DNAH17: variants seen among roughly 807,000 people sequenced by gnomAD.
The protein encoded by DNAH17 is axonemal beta dynein heavy chain 17.
In DNAH17, 376 loss-of-function variants were observed where a neutral mutation model predicts 485.6. The observed-to-expected ratio is 0.77, with a 90% confidence interval of 0.71 to 0.84. The LOEUF is 0.84. Among genes scored for constraint, DNAH17 ranks in the 40% least tolerant of loss-of-function variants. DNAH17 has a pLI of 0.00. For missense variants in DNAH17, 6,370 were observed against 5,839.3 expected, an observed-to-expected ratio of 1.09 and a Z score of -2.96; for synonymous variants, 3,031 against 2,405.9, an observed-to-expected ratio of 1.26 and a Z score of -7.60.
At chr17:78,444,396 G>A (rs2087193154) in intron 71 of DNAH17, among the ~76,000 whole-genome samples, 1 of 152,196 alleles carries the variant, frequency 6.6e-6, no homozygotes, top group Non-Finnish European at 1.5e-5. Context: ...TCCGCAGCCT[G>A]GGGTGGAATC....
intron 57 of DNAH17, among the ~76,000 whole-genome samples, 167 bp from the exon 58 acceptor site, chr17:78,461,875 AAGTT>A (rs976282791): frequency 6.6e-6 from 1 of 151,972 alleles, no homozygotes; most frequent in African/African-American, 2.4e-5. Flanking sequence ...TCTTAAAAGT[AAGTT>A]ATAAACCCTG....
intron 22 of DNAH17, among the ~76,000 whole-genome samples, chr17:78,527,248 G>A (rs974323504): frequency 6.6e-5 from 10 of 152,030 alleles, no homozygotes; most frequent in African/African-American, 2.2e-4. Flanking sequence ...TTAGCTGGGC[G>A]TGATGATATG....
chr17:78,461,772 T>TG, intron 57 of DNAH17, 64 bp from the exon 58 acceptor site: 1 of 1,499,870 alleles, frequency 6.7e-7, no homozygotes. Flanking sequence ...CGCCCTGCAC[T>TG]GGGCAGACGA....
At chr17:78,556,831 C>T (rs946007767) in intron 14 of DNAH17, among the ~76,000 whole-genome samples, 1 of 152,166 alleles carries the variant, frequency 6.6e-6, no homozygotes, top group Non-Finnish European at 1.5e-5. Context: ...AAAATTGACT[C>T]ACGTTTAAAA....
intron 74 of DNAH17, among the ~76,000 whole-genome samples, chr17:78,435,498 G>T (rs2086825793): frequency 6.6e-6 from 1 of 152,160 alleles, no homozygotes; most frequent in African/African-American, 2.4e-5. Context: ...AACCAGAGAT[G>T]GGATGAGGTG....
At chr17:78,558,747 G>A (rs1312245093) in intron 13 of DNAH17, among the ~76,000 whole-genome samples, 4 of 152,112 alleles carry the variant, frequency 2.6e-5, no homozygotes, top group South Asian at 2.1e-4. Flanking sequence ...TTGTTTCCTC[G>A]CTGGAATCTA....
chr17:78,475,471 T>C lies in DNAH17; in HGVS notation c.8320-2A>G. The C allele has an allele frequency of 1.2e-6, 2 of 1,613,658 alleles. No individual in the cohort carries two copies. The highest frequency in any genetic ancestry group is 1.1e-5 in the South Asian group (1 of 91,072). On this transcript the variant is annotated splice_acceptor_variant, in intron 53 of 80. Transcript: ENST00000389840. LOFTEE classifies it high-confidence loss of function. ...AGCCACGGCGTCCTCAAACAGCACC[T>C]GCAGAAACCGGAGAGATCCCACAAC...
At chr17:78,451,030 C>G (rs1047833621) in intron 66 of DNAH17, among the ~76,000 whole-genome samples, 184 bp from the exon 67 acceptor site, 1 of 152,216 alleles carries the variant, frequency 6.6e-6, no homozygotes, top group African/African-American at 2.4e-5. Flanking sequence ...TGGCCCTGCT[C>G]CCAGCCTTGA....
chr17:78,519,879 G>A (rs780767943), intron 25 of DNAH17, among the ~76,000 whole-genome samples: 3 of 152,186 alleles, frequency 2.0e-5, no homozygotes, highest in Non-Finnish European at 4.4e-5. Context: ...GGAGGCTGAG[G>A]TGGGTGGATC....
chr17:78,568,024 A>G (rs1007580352), intron 9 of DNAH17, among the ~76,000 whole-genome samples: 6 of 152,120 alleles, frequency 3.9e-5, no homozygotes, highest in African/African-American at 7.2e-5. Flanking sequence ...CAGGCCACGC[A>G]CCAACACCAC....
intron 71 of DNAH17, among the ~76,000 whole-genome samples, chr17:78,443,556 TA>T (rs2087155003): frequency 6.6e-6 from 1 of 151,920 alleles, no homozygotes; most frequent in Non-Finnish European, 1.5e-5. Flanking sequence ...TTTTTATTTT[TA>T]TTTTTATTTT....
intron 15 of DNAH17, 22 bp from the exon 16 acceptor site, chr17:78,551,660 A>G (rs370232245): frequency 3.4e-5 from 54 of 1,611,180 alleles, no homozygotes; most frequent in South Asian, 7.7e-5. Flanking sequence ...ATGTAGAGGA[A>G]TCTTACAAAA....
chr17:78,465,783 C>A (rs1314216193), intron 56 of DNAH17, among the ~76,000 whole-genome samples: 1 of 142,790 alleles, frequency 7.0e-6, no homozygotes, highest in African/African-American at 3.0e-5. Context: ...CCCGCCAGGC[C>A]AGCCGCCCCG....
At chr17:78,488,275 C>CCT (rs1399431449) in intron 44 of DNAH17, among the ~76,000 whole-genome samples, 3 of 152,234 alleles carry the variant, frequency 2.0e-5, no homozygotes, top group Non-Finnish European at 2.9e-5. Context: ...CCAAGGCCAT[C>CCT]CTGGGTGCAT....
At chr17:78,453,262 G>T in intron 65 of DNAH17, 81 bp downstream of exon 65, 2 of 1,544,136 alleles carry the variant, frequency 1.3e-6, no homozygotes, top group South Asian at 2.4e-5. Context: ...AATTCCGGGC[G>T]TTTTCTCTAC....
intron 25 of DNAH17, chr17:78,522,801 G>A: frequency 4.7e-6 from 1 of 214,668 alleles, no homozygotes; most frequent in Admixed American, 5.1e-5. Flanking sequence ...GTAAAGAGGA[G>A]ACCAAGGAAG....
chr17:78,474,020 G>A (rs578200964), intron 54 of DNAH17, among the ~76,000 whole-genome samples: 1 of 152,326 alleles, frequency 6.6e-6, no homozygotes, highest in South Asian at 2.1e-4. Context: ...ACATGGAGTA[G>A]AATCTGCTGG....
chr17:78,460,321 C>T (rs76834437), intron 58 of DNAH17, 64 bp from the exon 59 acceptor site: 15 of 872,438 alleles, frequency 1.7e-5, no homozygotes, highest in Non-Finnish European at 2.5e-5. Context: ...GGGGCGTGTA[C>T]GTGCATGTGT....
chr17:78,572,660 T>C (rs1188409364), intron 3 of DNAH17, 41 bp downstream of exon 3: 6 of 1,531,642 alleles, frequency 3.9e-6, no homozygotes, highest in Middle Eastern at 3.8e-4. Context: ...ATGTGCCTCT[T>C]CCCCACCCAG....
Sources: allele counts gnomAD v4.1 joint callset (sites outside exome capture counted in the v4.1 genomes callset), GRCh38; gene constraint gnomAD v4.1.1; transcripts MANE v1.5; gene names NCBI Gene and HGNC (gene_info 2026-07-23, HGNC 2026-07-21).